Variants in DCC observed in about 807,000 individuals in gnomAD.
The protein encoded by DCC is DCC netrin 1 receptor.
A neutral mutation model predicts 172.5 loss-of-function variants in DCC; 58 were observed. The ratio of observed to expected loss-of-function variants is 0.34; its 90% CI spans 0.27 to 0.42. The LOEUF is 0.42. DCC is among the 10% of genes least tolerant of loss of function. The pLI is 1.00. For missense variants in DCC, 1,740 were observed against 1,791.0 expected (o/e 0.97, Z 0.51); for synonymous variants, 709 against 644.5 (o/e 1.10, Z -1.52).
intron 10 of DCC, 100 bp downstream of exon 10, chr18:53,205,464 TG>T (rs2055610747): frequency 1.8e-6 from 2 of 1,130,620 alleles, no homozygotes; most frequent in Admixed American, 3.4e-5. Context: ...CGCAAACTCT[TG>T]AAACAGCCCA....
At chr18:53,150,445 A>G (rs1178968963) in intron 7 of DCC, among the ~76,000 whole-genome samples, 1 of 152,326 alleles carries the variant, frequency 6.6e-6, no homozygotes, top group South Asian at 2.1e-4. Context: ...ATACACTGTG[A>G]TAATGATGGA....
At chr18:52,729,852 G>C (rs1364406819) in intron 1 of DCC, among the ~76,000 whole-genome samples, 1 of 152,116 alleles carries the variant, frequency 6.6e-6, no homozygotes, top group Non-Finnish European at 1.5e-5. Flanking sequence ...AAGGATCTTA[G>C]AAATCACCTT....
At chr18:52,852,920 ATAAG>A (rs1425552815) in intron 2 of DCC, among the ~76,000 whole-genome samples, 7 of 152,334 alleles carry the variant, frequency 4.6e-5, no homozygotes, top group Non-Finnish European at 7.3e-5. Flanking sequence ...GTTCCAGCTA[ATAAG>A]TAAGTGATTA....
intron 2 of DCC, among the ~76,000 whole-genome samples, chr18:52,793,847 T>A (rs1242762188): frequency 6.6e-6 from 1 of 152,238 alleles, no homozygotes; most frequent in South Asian, 2.1e-4. Context: ...TTCATTCTTC[T>A]GCCTGTGAGC....
At chr18:52,470,958 T>C (rs1988929276) in intron 1 of DCC, among the ~76,000 whole-genome samples, 1 of 152,186 alleles carries the variant, frequency 6.6e-6, no homozygotes, top group African/African-American at 2.4e-5. Context: ...GAAACTCCAC[T>C]AATGCTGACC....
intron 12 of DCC, among the ~76,000 whole-genome samples, chr18:53,298,359 G>C (rs966610635): frequency 6.6e-6 from 1 of 151,568 alleles, no homozygotes; most frequent in Non-Finnish European, 1.5e-5. Context: ...AACATGACAA[G>C]ACCCTGTCTC....
intron 24 of DCC, among the ~76,000 whole-genome samples, chr18:53,462,661 G>GA (rs1208477719): frequency 6.6e-6 from 1 of 152,130 alleles, no homozygotes; most frequent in Non-Finnish European, 1.5e-5. Flanking sequence ...CCAGGTCCAT[G>GA]AAAAAATTTT....
chr18:52,404,774 C>G (rs1383509691), intron 1 of DCC, among the ~76,000 whole-genome samples: 1 of 150,752 alleles, frequency 6.6e-6, no homozygotes, highest in African/African-American at 2.4e-5. Flanking sequence ...AACTCGTCAT[C>G]TAGCATTAGG....
intron 2 of DCC, among the ~76,000 whole-genome samples, chr18:52,761,067 A>G (rs753946266): frequency 5.3e-5 from 8 of 152,216 alleles, no homozygotes. Context: ...ACTGCTGATA[A>G]AGACATACCA....
At chr18:53,193,946 C>A (rs2055403382) in intron 9 of DCC, among the ~76,000 whole-genome samples, 1 of 152,090 alleles carries the variant, frequency 6.6e-6, no homozygotes. Context: ...GACAGCAGGG[C>A]TTTTTTATAA....
chr18:52,451,456 C>A (rs1022427566), intron 1 of DCC, among the ~76,000 whole-genome samples: 1 of 152,116 alleles, frequency 6.6e-6, no homozygotes, highest in Non-Finnish European at 1.5e-5. Flanking sequence ...CTCACACGCC[C>A]GGTAGCCCCA....
intron 5 of DCC, among the ~76,000 whole-genome samples, chr18:52,958,949 T>C (rs2040794056): frequency 6.6e-6 from 1 of 152,114 alleles, no homozygotes; most frequent in Non-Finnish European, 1.5e-5. Context: ...CACAAATTTA[T>C]AAACGTTCTT....
intron 1 of DCC, among the ~76,000 whole-genome samples, chr18:52,694,882 T>C (rs1182135817): frequency 2.0e-5 from 3 of 152,206 alleles, no homozygotes; most frequent in Non-Finnish European, 4.4e-5. Flanking sequence ...CTACTGGTTC[T>C]CTGTATGTAC....
At chr18:52,441,496 C>T in intron 1 of DCC, among the ~76,000 whole-genome samples, 1 of 152,036 alleles carries the variant, frequency 6.6e-6, no homozygotes, top group Admixed American at 6.6e-5. Flanking sequence ...AATCCTATCA[C>T]CATAAAAATA....
At chr18:53,311,236 C>T (rs1371345904) in intron 13 of DCC, among the ~76,000 whole-genome samples, 1 of 152,110 alleles carries the variant, frequency 6.6e-6, no homozygotes, top group Non-Finnish European at 1.5e-5. Flanking sequence ...ATTCTCCTGC[C>T]TCAGCCTCAC....
chr18:53,383,747 C>G (rs1907940352), intron 15 of DCC, among the ~76,000 whole-genome samples: 1 of 151,466 alleles, frequency 6.6e-6, no homozygotes, highest in Admixed American at 6.6e-5. Context: ...CTTATTTTTC[C>G]AATTCAATTT....
intron 25 of DCC, among the ~76,000 whole-genome samples, chr18:53,477,240 C>T (rs1271540063): frequency 6.6e-6 from 1 of 152,118 alleles, no homozygotes; most frequent in African/African-American, 2.4e-5. Context: ...AACTCCTGGG[C>T]TCAAGTGATC....
At chr18:52,525,816 G>A (rs947319382) in intron 1 of DCC, among the ~76,000 whole-genome samples, 8 of 152,162 alleles carry the variant, frequency 5.3e-5, no homozygotes, top group African/African-American at 1.4e-4. Context: ...GAGAAATAAC[G>A]GAAAGATGGA....
chr18:52,496,343 A>C (rs1353177198), intron 1 of DCC, among the ~76,000 whole-genome samples: 2 of 152,206 alleles, frequency 1.3e-5, no homozygotes, highest in African/African-American at 2.4e-5. Context: ...AATAACCATG[A>C]GCATCGGGAC....
Sources: allele counts gnomAD v4.1 joint callset (sites outside exome capture counted in the v4.1 genomes callset), GRCh38; gene constraint gnomAD v4.1.1; transcripts MANE v1.5; gene names NCBI Gene and HGNC (gene_info 2026-07-23, HGNC 2026-07-21).